TET3: variants seen among roughly 807,000 people sequenced by gnomAD.
TET3 encodes tet methylcytosine dioxygenase 3.
In TET3, 19 loss-of-function variants were observed where a neutral mutation model predicts 141.4. The observed-to-expected ratio is 0.13, with a 90% CI of 0.09 to 0.20. The LOEUF is 0.20. TET3 is among the 10% of genes least tolerant of loss of function. TET3 has a pLI of 1.00. For synonymous variants in TET3, 1,043 were observed against 980.9 expected (o/e 1.06, Z -1.18); for missense variants, 1,874 against 2,356.9 (o/e 0.80, Z 4.24).
rs57955681 is a variant in TET3, at chr2:74,048,052, G to A, written c.2135G>A (p.Arg712Gln). 4.1e-4 allele frequency: 662 copies of A among 1,611,856 alleles called. 2 individuals carry two copies. In the African/African-American group the frequency reaches 7.5e-3, roughly 18 times the overall value. The change falls in exon 4 of 12, where the codon CGG (arginine) becomes CAG (glutamine). Residue 712 changes from arginine to glutamine, a missense_variant. By Grantham distance (43) the Arg-to-Gln change is conservative. Coordinates refer to ENST00000409262, the MANE Select transcript of TET3 (RefSeq NM_001287491.2). Reference protein sequence around the residue: ...PADDKLEELIRQFEAEFGDSF... With the variant: ...PADDKLEELIQQFEAEFGDSF... ...GATGACAAGCTGGAAGAGCTCATCC[G>A]GCAGTTTGAGGCTGAATTTGGAGAT...
chr2:74,135,317 T>C, the TET3 span: 1 of 500,752 alleles, frequency 2.0e-6, no homozygotes, highest in Non-Finnish European at 3.4e-6. Context: ...AAGCTGGCAC[T>C]GCATTCTCTC....
chr2:74,100,821 G>A lies in TET3; in HGVS notation c.4033G>A (p.Val1345Ile). The A allele has an allele frequency of 1.2e-6, 2 of 1,612,552 alleles. No homozygotes were observed. The highest frequency in any genetic ancestry group is 1.7e-6 in the Non-Finnish European group (2 of 1,179,418). The part of the protein sequence containing the change: ...AEFAELPSQA[V>I]PTDAHHPTPH... ...GTTTGCCGAGCTGCCCAGCCAGGCT[G>A]TTCCCACAGACGCCCACCACCCCAC... Residue 1345 changes from valine (V) to isoleucine (I), a missense_variant, in exon 12 of 12, where the codon GTT becomes ATT. By Grantham distance (29) the Val-to-Ile change is conservative (BLOSUM62 3). Coordinates refer to ENST00000409262, the MANE Select transcript of TET3 (RefSeq NM_001287491.2).
At chr2:74,121,231 A>C in the TET3 span, 1 of 152,236 alleles carries the variant, frequency 6.6e-6, no homozygotes, top group Non-Finnish European at 1.5e-5. Flanking sequence ...ATTACTCATC[A>C]ATTCAAGAAA....
chr2:73,994,958 C>CT (rs535185452), intron 2 of TET3, among the ~76,000 whole-genome samples: 163 of 150,344 alleles, frequency 1.1e-3, no homozygotes, highest in African/African-American at 2.7e-3. Flanking sequence ...TTTCATGTTT[C>CT]TTTTTTTTTG....
rs1157408514 is a variant in TET3, at chr2:74,101,963, G to A, written c.5175G>A (p.Glu1725=). 1 of 1,609,680 alleles carries A rather than the reference G, an allele frequency of 6.2e-7. No homozygotes were observed. Among genetic ancestry groups the A allele is most frequent in the Non-Finnish European group, 8.5e-7 (1 of 1,177,134 alleles). ...QLAERARARQ[E]EAARLGLGQQ... Reference sequence around the variant, plus strand: ...CGGAGAGGGCACGGGCACGGCAGGAGGAGGCTGCCCGGCTGGGCCTGGGCC... The same window carrying A: ...CGGAGAGGGCACGGGCACGGCAGGAAGAGGCTGCCCGGCTGGGCCTGGGCC... The change falls in exon 12 of 12, where the codon GAG becomes GAA. Residue 1725 remains glutamate, a synonymous_variant. Transcript: ENST00000409262. This position sits in a 1 kb window ranked among gnomAD's most constrained non-coding sequence, Gnocchi z 8.5.
chr2:74,027,454 A>G (rs1019478163), intron 3 of TET3, among the ~76,000 whole-genome samples: 6 of 150,354 alleles, frequency 4.0e-5, no homozygotes, highest in Non-Finnish European at 7.4e-5. Flanking sequence ...AACCAACACC[A>G]CTCTCTTAGT....
intron 5 of TET3, among the ~76,000 whole-genome samples, chr2:74,079,107 G>A (rs1689664579): frequency 6.6e-6 from 1 of 152,214 alleles, no homozygotes; most frequent in African/African-American, 2.4e-5. Flanking sequence ...CCAGCACTTC[G>A]GGAGGCCGAG....
At chr2:74,000,406 G>C (rs781145597) in intron 2 of TET3, among the ~76,000 whole-genome samples, 8 of 152,232 alleles carry the variant, frequency 5.3e-5, no homozygotes, top group Non-Finnish European at 1.0e-4. Context: ...TGCTGTGGAA[G>C]AGGCAGTACA....
At chr2:74,002,526 G>T (rs1684906876) in intron 2 of TET3, among the ~76,000 whole-genome samples, 1 of 152,090 alleles carries the variant, frequency 6.6e-6, no homozygotes, top group Non-Finnish European at 1.5e-5. Context: ...GCCGGGGAGC[G>T]GCACGGCGGG....
chr2:74,012,027 C>T (rs1685462628), intron 3 of TET3, among the ~76,000 whole-genome samples: 1 of 152,210 alleles, frequency 6.6e-6, no homozygotes, highest in South Asian at 2.1e-4. Flanking sequence ...GTGGCTCGAT[C>T]TCGGCTCACT....
chr2:74,124,387 G>A, the TET3 span, among the ~76,000 whole-genome samples: 7 of 151,974 alleles, frequency 4.6e-5, no homozygotes, highest in South Asian at 1.5e-3. Flanking sequence ...TGCCCCGTCT[G>A]GGAGGTGGGG....
chr2:74,127,205 G>T, the TET3 span, among the ~76,000 whole-genome samples: 14,059 of 152,182 alleles, frequency 0.092, 1,613 homozygotes, highest in African/African-American at 0.27. Context: ...TTGTTGATCC[G>T]GATGACCTCT....
At chr2:74,013,036 C>A (rs1470450296) in intron 3 of TET3, among the ~76,000 whole-genome samples, 1 of 147,826 alleles carries the variant, frequency 6.8e-6, no homozygotes, top group Non-Finnish European at 1.5e-5. Flanking sequence ...TGCTCTATTG[C>A]CAGGCTGGAG....
chr2:74,012,596 A>G (rs1376351288), intron 3 of TET3, among the ~76,000 whole-genome samples: 2 of 152,228 alleles, frequency 1.3e-5, no homozygotes, highest in South Asian at 2.1e-4. Context: ...ATCCAAGCCA[A>G]GGATATCTGA....
At chr2:74,000,909 C>T (rs1018586531) in intron 2 of TET3, among the ~76,000 whole-genome samples, 1 of 152,122 alleles carries the variant, frequency 6.6e-6, no homozygotes, top group African/African-American at 2.4e-5. Flanking sequence ...GCCGCTGCAG[C>T]AACCGTACTA....
In TET3 at chr2:74,047,663, C is replaced by T. The variant is rs1173040123; in HGVS notation, c.1746C>T (p.Leu582=). Residue 582 remains leucine (L), a synonymous_variant, in exon 4 of 12, where the codon CTC becomes CTT. Transcript: ENST00000409262. The part of the protein sequence containing the change: ...DRPPKEKKKK[L]PTPAGGPVGT... ...CACCCAAGGAGAAGAAGAAGAAGCT[C>T]CCAACACCAGCTGGAGGTCCCGTGG... 1 of 1,613,372 alleles carries T rather than the reference C, an allele frequency of 6.2e-7. No homozygotes were observed. The highest frequency in any genetic ancestry group is 1.7e-5 in the Admixed American group (1 of 59,904).
chr2:74,131,472 TG>T, the TET3 span, among the ~76,000 whole-genome samples: 1 of 152,210 alleles, frequency 6.6e-6, no homozygotes, highest in Non-Finnish European at 1.5e-5. Context: ...AGTCTGTGTC[TG>T]GGTGGGGCTT....
chr2:74,128,992 T>TTAA, the TET3 span, among the ~76,000 whole-genome samples: 3 of 77,934 alleles, frequency 3.8e-5, no homozygotes, highest in Admixed American at 2.8e-4. Flanking sequence ...TGTCTCAATT[T>TTAA]AAAAAAAAAA....
intron 3 of TET3, among the ~76,000 whole-genome samples, chr2:74,043,808 A>T (rs1443404348): frequency 1.3e-5 from 2 of 152,084 alleles, no homozygotes; most frequent in Non-Finnish European, 2.9e-5. Context: ...CACACTTAGG[A>T]GCCCATGATG....
Sources: allele counts gnomAD v4.1 joint callset (sites outside exome capture counted in the v4.1 genomes callset), GRCh38; gene constraint gnomAD v4.1.1; non-coding constraint Gnocchi (gnomAD v3.1); transcripts MANE v1.5; gene names NCBI Gene and HGNC (gene_info 2026-07-23, HGNC 2026-07-21).